Variants in TPM2 observed in about 807,000 individuals in gnomAD.
The protein encoded by TPM2 is tropomyosin 2.
A neutral mutation model predicts 41.0 loss-of-function variants in TPM2; 26 were observed. The observed-to-expected ratio is 0.63, with a 90% CI of 0.46 to 0.88. TPM2 has a LOEUF of 0.88. TPM2 is among the 40% of genes least tolerant of loss of function. TPM2 has a pLI of 0.00. For missense variants in TPM2, 187 were observed against 355.2 expected (o/e 0.53, Z 3.81); for synonymous variants, 143 against 139.3 (o/e 1.03, Z -0.19).
chr9:35,685,693 G>C lies in TPM2; in HGVS notation c.328C>G (p.Leu110Val). Reference sequence around the variant, plus strand: ...TTCTCGGCCTCCTCCAGCTTCTGCAGGGCTGTAGCCAGGCGCTCCTGGGCC... The same window carrying C: ...TTCTCGGCCTCCTCCAGCTTCTGCACGGCTGTAGCCAGGCGCTCCTGGGCC... The part of the protein sequence containing the change: ...DRAQERLATA[L>V]QKLEEAEKAA... Residue 110 changes from leucine to valine, a missense_variant, in exon 3 of 9, where the codon CTG becomes GTG. By Grantham distance (32) the Leu-to-Val change is conservative. Transcript: ENST00000645482. The surrounding 1 kb of genome is among the most constrained non-coding windows in gnomAD (Gnocchi z 5.0). The C allele has an allele frequency of 6.2e-7, 1 of 1,614,140 alleles. No individual in the cohort carries two copies. The highest frequency in any genetic ancestry group is 8.5e-7 in the Non-Finnish European group (1 of 1,180,020).
rs537567909 is a variant in TPM2, at chr9:35,685,856, G to C, written c.241-76C>G. On this transcript the variant is annotated intron_variant, in intron 2 of 8. Transcript: ENST00000645482. This position sits in a 1 kb window ranked among gnomAD's most constrained non-coding sequence, Gnocchi z 5.0. ...GATCAGAGAGGCTCCAGAGGATGGC[G>C]AGATTCTTCTCAGAAAGAACTGAGG... The C allele has an allele frequency of 4.4e-6, 7 of 1,607,262 alleles. No individual in the cohort carries two copies. The African/African-American group carries it at 5.4e-5, about 12-fold the overall frequency.
upstream of TPM2, chr9:35,689,963 A>C: frequency 2.6e-6 from 4 of 1,534,284 alleles, no homozygotes; most frequent in Non-Finnish European, 3.5e-6. Flanking sequence ...AAAGGCGGGG[A>C]GGGACCGGGC....
chr9:35,689,362 G>C, intron 1 of TPM2, 91 bp from the exon 2 acceptor site: 8 of 1,575,158 alleles, frequency 5.1e-6, no homozygotes, highest in South Asian at 1.2e-5. Flanking sequence ...ACTAAGATTT[G>C]GAGGCTACTG....
intron 2 of TPM2, among the ~76,000 whole-genome samples, chr9:35,687,419 G>A (rs143761176): frequency 2.6e-4 from 40 of 152,296 alleles, no homozygotes; most frequent in African/African-American, 8.4e-4. Flanking sequence ...CAGAGACCCT[G>A]AGATTTCAGA....
rs1587959127 is a variant in TPM2 at position 35,685,715 on chromosome 9, G to A, written c.306C>T (p.Ala102=). ...GCAGGGCTGTAGCCAGGCGCTCCTG[G>A]GCCCGGTCCAGCTCCTCCTCAACCA... ...IQLVEEELDR[A]QERLATALQK... Residue 102 remains alanine, a synonymous_variant, in exon 3 of 9, where the codon GCC becomes GCT. Transcript: ENST00000645482. This position sits in a 1 kb window ranked among gnomAD's most constrained non-coding sequence, Gnocchi z 5.0. The A allele has an allele frequency of 3.7e-6, 6 of 1,614,128 alleles. No individual in the cohort carries two copies. The highest frequency in any genetic ancestry group is 5.1e-6 in the Non-Finnish European group (6 of 1,180,030).
At chr9:35,689,459 C>T in intron 1 of TPM2, 188 bp from the exon 2 acceptor site, 1 of 935,444 alleles carries the variant, frequency 1.1e-6, no homozygotes. Context: ...CTTCAGGCCC[C>T]AAGGAGCAGG....
intron 1 of TPM2, 141 bp downstream of exon 1, chr9:35,689,563 T>A: frequency 6.7e-7 from 1 of 1,482,754 alleles, no homozygotes; most frequent in Non-Finnish European, 9.1e-7. Flanking sequence ...GCGAAGGCCC[T>A]GAGGGTACTG....
intron 1 of TPM2, 48 bp downstream of exon 1, chr9:35,689,656 C>A (rs745473477): frequency 3.1e-6 from 5 of 1,606,994 alleles, no homozygotes; most frequent in Non-Finnish European, 4.2e-6. Context: ...GCGGCCCACC[C>A]TTGCCCTAGG....
Position 35,689,768 on chromosome 9 carries a change from T to C in TPM2, c.50A>G (p.Asn17Ser). 6.2e-7 allele frequency: 1 copy of C among 1,613,772 alleles called. No individual in the cohort carries two copies. Among genetic ancestry groups the C allele is most frequent in the Non-Finnish European group, 8.5e-7 (1 of 1,179,736 alleles). ...KMQMLKLDKE[N>S]AIDRAEQAEA... ...GGCCTGCTCGGCGCGGTCGATGGCG[T>C]TCTCCTTGTCCAGCTTCAGCATCTG... The change falls in exon 1 of 9, where the codon AAC becomes AGC. Residue 17 changes from asparagine (N) to serine (S), a missense_variant. Coordinates refer to ENST00000645482, the MANE Select transcript of TPM2 (RefSeq NM_003289.4).
At chr9:35,682,393 G>T, downstream of TPM2, 1 of 1,105,892 alleles carries the variant, frequency 9.0e-7, no homozygotes. Context: ...AGGTGGGGTG[G>T]GGAGGGCTGA....
Position 35,685,673 on chromosome 9 carries a change from G to C in TPM2, c.348C>G (p.Ala116=), listed in dbSNP as rs141787985. 1.6e-5 allele frequency: 26 copies of C among 1,613,822 alleles called. No individual in the cohort carries two copies. Among genetic ancestry groups the C allele is most frequent in the Non-Finnish European group, 1.7e-5 (20 of 1,179,998 alleles). The change falls in exon 3 of 9, where the codon GCC becomes GCG. Residue 116 remains alanine (A), a synonymous_variant. Transcript: ENST00000645482. The surrounding 1 kb of genome is among the most constrained non-coding windows in gnomAD (Gnocchi z 5.0). ...LATALQKLEE[A]EKAADESERG... ...TCTCGCTCTCATCAGCCGCCTTCTC[G>C]GCCTCCTCCAGCTTCTGCAGGGCTG...
In TPM2 at chr9:35,684,090, C is replaced by T. The variant is rs75065355; in HGVS notation, c.772+156G>A. On this transcript the variant is annotated intron_variant, in intron 8 of 8. Transcript: ENST00000645482. ...GTTGCGCCGTGGGCAGCTACAATTA[C>T]TTGAATTGTAGACATGGCCCACAGA... The T allele has an allele frequency of 5.4e-3, 4,002 of 735,320 alleles. 78 individuals carry two copies. Among genetic ancestry groups the T allele is most frequent in the African/African-American group, 0.042 (2,387 of 57,364 alleles). 45.5% of individuals were successfully genotyped at this position (735,320 alleles called of 1,614,324 possible). A position where few individuals can be genotyped will look rare whatever the true frequency, so the allele number is the denominator to read the frequency against.
At chr9:35,684,345 G>A (rs748218228) in intron 7 of TPM2, 30 bp from the exon 8 acceptor site, 20 of 1,613,496 alleles carry the variant, frequency 1.2e-5, no homozygotes, top group Non-Finnish European at 1.5e-5. Flanking sequence ...GGGAGAAATG[G>A]CAAAGAATTA....
At chr9:35,682,284 G>A (rs1015177210), downstream of TPM2, 31 of 1,117,982 alleles carry the variant, frequency 2.8e-5, no homozygotes, top group African/African-American at 1.5e-4. Flanking sequence ...ATGCATTCAC[G>A]GACCTCAGGG....
At chr9:35,686,900 A>T (rs1824948453) in intron 2 of TPM2, among the ~76,000 whole-genome samples, 1 of 152,202 alleles carries the variant, frequency 6.6e-6, no homozygotes, top group South Asian at 2.1e-4. Flanking sequence ...AAACACTGAG[A>T]AAAAGGGCAG....
At position 35,685,150 on chromosome 9, in the gene TPM2, C is replaced by A. The variant is rs763356267; in HGVS notation, c.563+119G>T. 1.2e-6 allele frequency: 2 copies of A among 1,614,146 alleles called. No homozygotes were observed. The highest frequency in any genetic ancestry group is 2.2e-5 in the South Asian group (2 of 91,084). ...AGCTGTCTGGCTCGGCTGGGGGCAG[C>A]GGGCAGGGGTCAGAGAACAGGGCCT... is the stretch of plus-strand genomic sequence containing the variant. On this transcript the variant is annotated intron_variant, in intron 5 of 8. Transcript: ENST00000645482. The surrounding 1 kb of genome is among the most constrained non-coding windows in gnomAD (Gnocchi z 5.0).
downstream of TPM2, chr9:35,682,842 TGTCA>T: frequency 7.1e-7 from 1 of 1,415,322 alleles, no homozygotes; most frequent in Non-Finnish European, 9.4e-7. Context: ...GGGCTGGGGG[TGTCA>T]GTAAGTGCCA....
At chr9:35,686,238 G>A (rs908799973) in intron 2 of TPM2, 23 of 241,440 alleles carry the variant, frequency 9.5e-5, no homozygotes, top group Admixed American at 4.7e-4. Context: ...TAAAAAGAAC[G>A]AAACTCCATC....
intron 2 of TPM2, 107 bp downstream of exon 2, chr9:35,689,039 G>A (rs1825098941): frequency 3.0e-6 from 4 of 1,316,582 alleles, no homozygotes; most frequent in East Asian, 4.7e-5. Context: ...CTCTCCTGGC[G>A]CTGGGGACAT....
Sources: gnomAD v4.1 joint callset for allele counts (sites outside exome capture counted in the v4.1 genomes callset) on GRCh38, gnomAD v4.1.1 for gene constraint, Gnocchi (gnomAD v3.1) non-coding constraint, MANE v1.5 for transcripts, NCBI Gene and HGNC (gene_info 2026-07-23, HGNC 2026-07-21) for gene names.